Variants in DZIP3 observed in about 807,000 individuals in gnomAD.
The protein encoded by DZIP3 is DAZ interacting zinc finger protein 3.
DZIP3 carries 118 observed loss-of-function variants against 162.0 expected under a neutral mutation model. The observed-to-expected ratio is 0.73, with a 90% CI of 0.63 to 0.85. The LOEUF is 0.85. Among genes scored for constraint, DZIP3 ranks in the 40% least tolerant of loss-of-function variants. DZIP3 has a pLI of 0.00. For synonymous variants in DZIP3, 438 were observed against 458.6 expected, an observed-to-expected ratio of 0.96 and a Z score of 0.57; for missense variants, 1,331 against 1,407.0, an observed-to-expected ratio of 0.95 and a Z score of 0.86.
intron 18 of DZIP3, among the ~76,000 whole-genome samples, chr3:108,653,388 AAGG>A (rs1252537701): frequency 2.0e-5 from 3 of 151,320 alleles, no homozygotes; most frequent in Non-Finnish European, 4.4e-5. Flanking sequence ...GTTGCCATTC[AAGG>A]AGATTAGGAA....
intron 32 of DZIP3, 100 bp downstream of exon 32, chr3:108,691,003 G>A (rs571976501): frequency 2.2e-6 from 2 of 928,696 alleles, no homozygotes; most frequent in Non-Finnish European, 3.2e-6. Flanking sequence ...TGCTAAAGAA[G>A]CCAGCTAATT....
At chr3:108,644,877 C>T in intron 14 of DZIP3, 96 bp downstream of exon 14, 1 of 1,219,442 alleles carries the variant, frequency 8.2e-7, no homozygotes, top group Non-Finnish European at 1.1e-6. Context: ...ATTCAGTGAG[C>T]TCATGGTTTT....
chr3:108,592,906 A>G (rs1322512442), intron 1 of DZIP3, among the ~76,000 whole-genome samples: 6 of 152,132 alleles, frequency 3.9e-5, no homozygotes, highest in African/African-American at 1.4e-4. Flanking sequence ...TTGTTGTCTT[A>G]CATTATTGCA....
At chr3:108,669,420 A>C (rs1040289583) in intron 21 of DZIP3, among the ~76,000 whole-genome samples, 7 of 151,942 alleles carry the variant, frequency 4.6e-5, no homozygotes, top group Non-Finnish European at 8.8e-5. Flanking sequence ...CTGAGATGCA[A>C]GATAACACTT....
chr3:108,655,884 G>A (rs897446109), intron 19 of DZIP3, among the ~76,000 whole-genome samples: 7 of 152,182 alleles, frequency 4.6e-5, no homozygotes, highest in Non-Finnish European at 7.3e-5. Context: ...CACGCCCATG[G>A]AGCCTCACTC....
chr3:108,629,236 C>T (rs1353011149), intron 8 of DZIP3, 60 bp downstream of exon 8: 3 of 1,059,102 alleles, frequency 2.8e-6, no homozygotes, highest in African/African-American at 3.3e-5. Context: ...CCAACTATAT[C>T]ATATTCTTAC....
At chr3:108,597,154 C>T (rs1476380929) in intron 1 of DZIP3, among the ~76,000 whole-genome samples, 2 of 152,136 alleles carry the variant, frequency 1.3e-5, no homozygotes, top group South Asian at 4.1e-4. Context: ...AATTATTTTT[C>T]CTGTTTTCTT....
At chr3:108,628,805 A>C (rs1320715166) in intron 7 of DZIP3, among the ~76,000 whole-genome samples, 1 of 152,090 alleles carries the variant, frequency 6.6e-6, no homozygotes, top group African/African-American at 2.4e-5. Flanking sequence ...AAGCCAACCA[A>C]CTCTACAGTC....
intron 1 of DZIP3, among the ~76,000 whole-genome samples, chr3:108,592,724 A>G (rs1939498138): frequency 6.6e-6 from 1 of 151,762 alleles, no homozygotes; most frequent in Non-Finnish European, 1.5e-5. Context: ...AAAAAAAAAA[A>G]AGTATTCAGG....
intron 14 of DZIP3, among the ~76,000 whole-genome samples, chr3:108,646,303 A>T (rs1024586714): frequency 1.3e-5 from 2 of 152,188 alleles, no homozygotes; most frequent in African/African-American, 4.8e-5. Context: ...TGTGTAATTA[A>T]CTATTATTTC....
At chr3:108,653,378 G>C (rs1942948562) in intron 18 of DZIP3, among the ~76,000 whole-genome samples, 1 of 151,150 alleles carries the variant, frequency 6.6e-6, no homozygotes. Flanking sequence ...TCCTATTCTT[G>C]TTGCCATTCA....
intron 18 of DZIP3, among the ~76,000 whole-genome samples, chr3:108,651,859 G>A (rs746443910): frequency 6.6e-6 from 1 of 151,740 alleles, no homozygotes; most frequent in Non-Finnish European, 1.5e-5. Flanking sequence ...TAACTTTGGA[G>A]AATTCTGAGG....
intron 27 of DZIP3, among the ~76,000 whole-genome samples, chr3:108,685,802 A>G (rs767848533): frequency 1.3e-5 from 2 of 152,214 alleles, no homozygotes; most frequent in Non-Finnish European, 2.9e-5. Flanking sequence ...ACATTAGAAA[A>G]CAAAGTTACT....
intron 21 of DZIP3, among the ~76,000 whole-genome samples, chr3:108,664,272 A>G (rs981789223): frequency 2.0e-5 from 3 of 152,168 alleles, no homozygotes; most frequent in Non-Finnish European, 4.4e-5. Flanking sequence ...AACAATAGAA[A>G]GGCTTTTTGA....
intron 6 of DZIP3, among the ~76,000 whole-genome samples, chr3:108,625,040 G>T (rs1339928682): frequency 6.6e-6 from 1 of 152,072 alleles, no homozygotes; most frequent in Non-Finnish European, 1.5e-5. Context: ...AAGTAGAATT[G>T]ATAAGCAGCG....
chr3:108,640,917 A>G (rs1027443528), intron 12 of DZIP3, among the ~76,000 whole-genome samples: 3 of 151,634 alleles, frequency 2.0e-5, no homozygotes, highest in African/African-American at 4.8e-5. Context: ...GTTGTTTTAT[A>G]TATACAATAT....
At chr3:108,681,120 C>T (rs938082216) in intron 26 of DZIP3, among the ~76,000 whole-genome samples, 1 of 151,710 alleles carries the variant, frequency 6.6e-6, no homozygotes, top group Non-Finnish European at 1.5e-5. Flanking sequence ...TAAAGAGCTT[C>T]TGCACAGCAT....
At chr3:108,597,450 G>A (rs1939769560) in intron 1 of DZIP3, among the ~76,000 whole-genome samples, 1 of 151,488 alleles carries the variant, frequency 6.6e-6, no homozygotes, top group Admixed American at 6.6e-5. Context: ...CCAGTGTTAA[G>A]TATAAGTAGA....
chr3:108,623,216 C>G (rs377483736), intron 5 of DZIP3, among the ~76,000 whole-genome samples: 26 of 152,094 alleles, frequency 1.7e-4, no homozygotes, highest in East Asian at 9.7e-4. Context: ...TTACTTTTCC[C>G]TCTGCCTTTC....
Sources: allele counts gnomAD v4.1 joint callset (sites outside exome capture counted in the v4.1 genomes callset), GRCh38; gene constraint gnomAD v4.1.1; transcripts MANE v1.5; gene names NCBI Gene and HGNC (gene_info 2026-07-23, HGNC 2026-07-21).